The following ZFAND3 variants were observed in gnomAD, a reference collection of about 807,000 sequenced individuals.
ZFAND3 encodes zinc finger AN1-type containing 3, also known as AN1-type zinc finger protein 3.
A neutral mutation model predicts 29.6 loss-of-function variants in ZFAND3; 10 were observed. That is an observed-to-expected ratio of 0.34 (90% CI 0.21 to 0.57). The LOEUF (loss-of-function observed/expected upper bound fraction) is 0.57, where lower values mean the gene tolerates loss of function less well. Among genes scored for constraint, ZFAND3 ranks in the 20% least tolerant of loss-of-function variants. The pLI is 0.86. For synonymous variants in ZFAND3, 128 were observed against 112.6 expected, an observed-to-expected ratio of 1.14 and a Z score of -0.87; for missense variants, 230 against 304.5, an observed-to-expected ratio of 0.76 and a Z score of 1.82.
intron 1 of ZFAND3, among the ~76,000 whole-genome samples, chr6:37,852,885 T>C (rs1764308946): frequency 6.6e-6 from 1 of 152,030 alleles, no homozygotes; most frequent in South Asian, 2.1e-4. Flanking sequence ...CCAGCCTTTA[T>C]GTATATTTCT....
chr6:38,034,915 TAGC>T (rs1425988678), intron 2 of ZFAND3, among the ~76,000 whole-genome samples: 7 of 152,170 alleles, frequency 4.6e-5, no homozygotes, highest in Non-Finnish European at 1.0e-4. Flanking sequence ...AGTATGGAAA[TAGC>T]AGCACATAAG....
At position 37,849,430 on chromosome 6, in the gene ZFAND3, C is replaced by T. The variant is rs6909673; in HGVS notation, c.71+29414C>T. On this transcript the variant is annotated intron_variant, in intron 1 of 5. Transcript: ENST00000287218. ...ATTTTTCTTCTTATTATTTTTGAGA[C>T]GGAGTTTTGCTTTTATTGCCCAGGC... Among the ~76,000 whole-genome samples the T allele has an allele frequency of 5.4e-3, 816 of 152,086 alleles. 12 individuals carry two copies. The highest frequency in any genetic ancestry group is 0.018 in the African/African-American group (755 of 41,472).
At chr6:37,934,255 T>C (rs1310308096) in intron 2 of ZFAND3, among the ~76,000 whole-genome samples, 1 of 151,678 alleles carries the variant, frequency 6.6e-6, no homozygotes, top group Non-Finnish European at 1.5e-5. Context: ...CCATCTCAGC[T>C]CACTGCAGCC....
At chr6:37,939,501 C>T (rs1016292420) in intron 2 of ZFAND3, among the ~76,000 whole-genome samples, 3 of 152,144 alleles carry the variant, frequency 2.0e-5, no homozygotes, top group Admixed American at 2.0e-4. Context: ...CCAAAATTAT[C>T]ACATTCACAG....
At chr6:37,856,666 T>G (rs1051031700) in intron 1 of ZFAND3, among the ~76,000 whole-genome samples, 1 of 152,212 alleles carries the variant, frequency 6.6e-6, no homozygotes, top group African/African-American at 2.4e-5. Flanking sequence ...ATACTGTGCC[T>G]AATACCTTTG....
chr6:38,104,675 T>C (rs184914382), intron 4 of ZFAND3, among the ~76,000 whole-genome samples: 86 of 152,332 alleles, frequency 5.6e-4, no homozygotes, highest in Non-Finnish European at 1.6e-4. Flanking sequence ...AGAAGTCTTA[T>C]AAATCATATT....
chr6:37,866,056 G>T (rs762712268), intron 1 of ZFAND3, among the ~76,000 whole-genome samples: 78 of 151,968 alleles, frequency 5.1e-4, no homozygotes, highest in Admixed American at 1.4e-3. Flanking sequence ...CAAATTCTTG[G>T]CCTTAAACTA....
At chr6:38,020,030 A>G (rs1281496624) in intron 2 of ZFAND3, among the ~76,000 whole-genome samples, 3 of 152,136 alleles carry the variant, frequency 2.0e-5, no homozygotes, top group Non-Finnish European at 4.4e-5. Flanking sequence ...TCAAAACACT[A>G]TTTTGGCCTT....
At chr6:37,934,013 A>G (rs1351522720) in intron 2 of ZFAND3, among the ~76,000 whole-genome samples, 2 of 141,074 alleles carry the variant, frequency 1.4e-5, no homozygotes, top group African/African-American at 5.4e-5. Flanking sequence ...TCAGCCTCCC[A>G]AGTAGCTGGG....
intron 2 of ZFAND3, among the ~76,000 whole-genome samples, chr6:38,032,451 T>G (rs1763579922): frequency 6.6e-6 from 1 of 152,198 alleles, no homozygotes; most frequent in South Asian, 2.1e-4. Flanking sequence ...CTCTGCTCAG[T>G]GGTCATGGAG....
At chr6:37,889,700 G>T (rs1035738825) in intron 1 of ZFAND3, among the ~76,000 whole-genome samples, 22 of 152,204 alleles carry the variant, frequency 1.4e-4, no homozygotes, top group Admixed American at 1.2e-3. Context: ...GTGCCATGGG[G>T]CATTGCTGTA....
At chr6:38,017,863 G>C (rs1043768471) in intron 2 of ZFAND3, among the ~76,000 whole-genome samples, 28 of 152,104 alleles carry the variant, frequency 1.8e-4, no homozygotes, top group African/African-American at 6.5e-4. Flanking sequence ...CATGTTATTC[G>C]TGTCAGCATT....
chr6:38,079,515 A>G (rs1764617542), intron 3 of ZFAND3, among the ~76,000 whole-genome samples: 1 of 151,494 alleles, frequency 6.6e-6, no homozygotes, highest in Admixed American at 6.6e-5. Context: ...CTTATTTGAT[A>G]ATCCTCTAGA....
chr6:37,930,834 G>A (rs947236965), intron 2 of ZFAND3, among the ~76,000 whole-genome samples: 9 of 152,096 alleles, frequency 5.9e-5, no homozygotes, highest in Non-Finnish European at 8.8e-5. Flanking sequence ...TTTGTCAAAG[G>A]TAAACAAAGC....
chr6:38,012,767 AG>A (rs1427911974), intron 2 of ZFAND3, among the ~76,000 whole-genome samples: 1 of 152,166 alleles, frequency 6.6e-6, no homozygotes, highest in Admixed American at 6.5e-5. Flanking sequence ...AAAGTAGGGG[AG>A]GGTGATGGAT....
intron 1 of ZFAND3, among the ~76,000 whole-genome samples, chr6:37,844,018 A>G (rs1764129180): frequency 6.7e-6 from 1 of 150,228 alleles, no homozygotes; most frequent in African/African-American, 2.5e-5. Context: ...CTTGGGCTCA[A>G]TTGATCCTCC....
chr6:38,059,058 A>G (rs1427188514), intron 2 of ZFAND3, among the ~76,000 whole-genome samples: 4 of 152,224 alleles, frequency 2.6e-5, no homozygotes, highest in African/African-American at 9.7e-5. Context: ...ATAATAAACT[A>G]TAATCTGTAC....
chr6:38,062,010 T>A (rs1764250747), intron 3 of ZFAND3, among the ~76,000 whole-genome samples: 1 of 152,242 alleles, frequency 6.6e-6, no homozygotes, highest in Admixed American at 6.5e-5. Flanking sequence ...GCAGTGGCTC[T>A]CACCTATGTC....
rs55850662 is a variant in ZFAND3, at chr6:37,859,862, G to GTT, written c.71+39859_71+39860dup. Among the ~76,000 whole-genome samples the GTT allele has an allele frequency of 6.0e-3, 795 of 133,272 alleles. 6 individuals are homozygous for GTT. Among genetic ancestry groups the GTT allele is most frequent in the African/African-American group, 8.5e-3 (310 of 36,424 alleles). The allele number at this position is 133,272 out of a possible 152,430, so 87.4% of individuals were successfully genotyped here. A position where few individuals can be genotyped will look rare whatever the true frequency, so the allele number is the denominator to read the frequency against. ...AGCTCTGTTGCCCAGGCTGGAGTGG[G>GTT]TTTTTTTTTTTTTTCTTTCTTTTTT... On this transcript the variant is annotated intron_variant, in intron 1 of 5. Transcript: ENST00000287218.
Sources: gnomAD v4.1 joint callset for allele counts (sites outside exome capture counted in the v4.1 genomes callset) on GRCh38, gnomAD v4.1.1 for gene constraint, MANE v1.5 for transcripts, NCBI Gene and HGNC (gene_info 2026-07-23, HGNC 2026-07-21) for gene names.